SLC25A33: variants seen among roughly 807,000 people sequenced by gnomAD.
SLC25A33 encodes the protein solute carrier family 25 member 33.
SLC25A33 carries 15 observed loss-of-function variants against 35.5 expected under a neutral mutation model. The observed-to-expected ratio is 0.42, with a 90% CI of 0.28 to 0.65. The LOEUF is 0.65. SLC25A33 is among the 30% of genes least tolerant of loss of function. SLC25A33 has a pLI of 0.20. For synonymous variants in SLC25A33, 136 were observed against 148.7 expected, an observed-to-expected ratio of 0.91 and a Z score of 0.62; for missense variants, 257 against 398.5, an observed-to-expected ratio of 0.64 and a Z score of 3.02.
At position 9,549,386 on chromosome 1, in the gene SLC25A33, A is replaced by G. The variant is rs1352326726; in HGVS notation, c.57-4240A>G. ...GGGGGATGAACTGATGGTGGGATCA[A>G]TGGGGGAGATGAACTGATGGTGGGA... On this transcript the variant is annotated intron_variant, in intron 1 of 6. Coordinates refer to ENST00000302692, the MANE Select transcript of SLC25A33 (RefSeq NM_032315.3). Among the ~76,000 whole-genome samples, 4 of 104,052 alleles carry G rather than the reference A, an allele frequency of 3.8e-5. No individual in the cohort carries two copies. The East Asian group carries it at 1.0e-3, about 26-fold the overall frequency. The allele number at this position is 104,052 out of a possible 152,430, so 68.3% of individuals were successfully genotyped here.
chr1:9,580,842 G>A (rs1159341552), intron 6 of SLC25A33, among the ~76,000 whole-genome samples: 3 of 142,602 alleles, frequency 2.1e-5, no homozygotes, highest in Non-Finnish European at 3.0e-5. Flanking sequence ...GCAACAGAGC[G>A]AGACTCTGTC....
At chr1:9,572,747 T>C (rs1643609000) in intron 4 of SLC25A33, among the ~76,000 whole-genome samples, 1 of 152,032 alleles carries the variant, frequency 6.6e-6, no homozygotes, top group Non-Finnish European at 1.5e-5. Context: ...TTTTTTTGGT[T>C]GTCCTAGAAT....
intron 1 of SLC25A33, 142 bp from the exon 2 acceptor site, chr1:9,553,484 C>T (rs764712011): frequency 3.8e-5 from 29 of 758,370 alleles, no homozygotes; most frequent in Non-Finnish European, 5.7e-5. Flanking sequence ...CCACCCACCT[C>T]AGCCTCCCAA....
At chr1:9,540,425 G>C (rs1284203257) in intron 1 of SLC25A33, among the ~76,000 whole-genome samples, 1 of 152,046 alleles carries the variant, frequency 6.6e-6, no homozygotes, top group African/African-American at 2.4e-5. Context: ...AGCTGCATTA[G>C]GTCTATGGTC....
chr1:9,570,670 G>A (rs1023609931), intron 4 of SLC25A33, among the ~76,000 whole-genome samples: 3 of 144,780 alleles, frequency 2.1e-5, no homozygotes, highest in Non-Finnish European at 4.5e-5. Flanking sequence ...AAATGATATA[G>A]ATAGATAGAT....
chr1:9,585,051 G>A lies in SLC25A33; in HGVS notation c.*2550G>A, dbSNP rs1383767696. 6.6e-6 allele frequency: 1 copy of A among 152,172 alleles called. No individual in the cohort carries two copies. Among genetic ancestry groups the A allele is most frequent in the Non-Finnish European group, 1.5e-5 (1 of 68,038 alleles). 9.4% of individuals were successfully genotyped at this position (152,172 alleles called of 1,614,324 possible). On this transcript the variant is annotated 3_prime_UTR_variant, in exon 7 of 7. Coordinates refer to ENST00000302692, the MANE Select transcript of SLC25A33 (RefSeq NM_032315.3). ...ATTTTAATATTCATATTCGATGATG[G>A]CACTTAGCAACATCCTCCTATATCC...
chr1:9,575,342 C>T lies in SLC25A33; in HGVS notation c.482+1930C>T, dbSNP rs1643647670. 2.0e-5 allele frequency among the ~76,000 whole-genome samples: 3 copies of T among 150,348 alleles called. No homozygotes were observed. In the South Asian group the frequency reaches 6.3e-4, roughly 32 times the overall value. ...TCTAAAGAAAGGAGGCAGAGCTGGG[C>T]GTAGTGGCTCATGCCTGTAATCCCA... On this transcript the variant is annotated intron_variant, in intron 5 of 6. Coordinates refer to ENST00000302692, the MANE Select transcript of SLC25A33 (RefSeq NM_032315.3).
intron 2 of SLC25A33, among the ~76,000 whole-genome samples, chr1:9,562,200 T>G (rs1356506959): frequency 6.6e-6 from 1 of 151,420 alleles, no homozygotes; most frequent in African/African-American, 2.4e-5. Context: ...ATACAAAAAT[T>G]AGCCAGGTAT....
Position 9,541,973 on chromosome 1 carries a change from A to G in SLC25A33, c.56+2226A>G, listed in dbSNP as rs569009817. Among the ~76,000 whole-genome samples the G allele has an allele frequency of 5.3e-5, 8 of 151,744 alleles. No homozygotes were observed. The South Asian group carries it at 1.7e-3, about 32-fold the overall frequency. ...CGCCACCACGCCCGGCTAATTTTGT[A>G]TATTTTTAGTAGAGACGGGGTTTAA... On this transcript the variant is annotated intron_variant, in intron 1 of 6. Coordinates refer to ENST00000302692, the MANE Select transcript of SLC25A33 (RefSeq NM_032315.3).
chr1:9,579,621 A>C (rs1643710127), intron 5 of SLC25A33, among the ~76,000 whole-genome samples: 1 of 152,088 alleles, frequency 6.6e-6, no homozygotes, highest in Admixed American at 6.5e-5. Context: ...AGCTCCCTGA[A>C]CCCTGTCCTC....
At chr1:9,570,702 G>GTTTTTT (rs35547370) in intron 4 of SLC25A33, among the ~76,000 whole-genome samples, 13 of 100,066 alleles carry the variant, frequency 1.3e-4, no homozygotes, top group East Asian at 3.3e-4. Flanking sequence ...GATAGATATA[G>GTTTTTT]TTTTTTTTTT....
At chr1:9,560,856 T>C (rs954274071) in intron 2 of SLC25A33, among the ~76,000 whole-genome samples, 2 of 151,806 alleles carry the variant, frequency 1.3e-5, no homozygotes, top group African/African-American at 4.9e-5. Flanking sequence ...AAATAGTATA[T>C]GTATTTCAGG....
At chr1:9,544,186 C>T (rs1172314768) in intron 1 of SLC25A33, among the ~76,000 whole-genome samples, 1 of 151,946 alleles carries the variant, frequency 6.6e-6, no homozygotes, top group Non-Finnish European at 1.5e-5. Flanking sequence ...CAATGTTTTC[C>T]CACCTAGTAT....
intron 4 of SLC25A33, among the ~76,000 whole-genome samples, chr1:9,571,636 AATTGGT>A (rs544111502): frequency 1.6e-3 from 229 of 143,208 alleles, no homozygotes; most frequent in Non-Finnish European, 2.6e-3. Flanking sequence ...TTTTTTTTTT[AATTGGT>A]ATTGTTTTGT....
chr1:9,559,055 G>A (rs1477844859), intron 2 of SLC25A33, among the ~76,000 whole-genome samples: 2 of 152,156 alleles, frequency 1.3e-5, no homozygotes, highest in South Asian at 2.1e-4. Context: ...ACCGCAGGGT[G>A]TTTGCAGTAG....
chr1:9,560,760 CT>C (rs57353837), intron 2 of SLC25A33, among the ~76,000 whole-genome samples: 32 of 146,370 alleles, frequency 2.2e-4, no homozygotes, highest in Middle Eastern at 3.5e-3. Context: ...TCGAACCTAT[CT>C]TTTTTTTTTT....
intron 1 of SLC25A33, among the ~76,000 whole-genome samples, chr1:9,553,215 T>TTTTTTTTTTTTTTG (rs1643293093): frequency 7.4e-6 from 1 of 135,554 alleles, no homozygotes; most frequent in Non-Finnish European, 1.6e-5. Flanking sequence ...TTTTTTTTTT[T>TTTTTTTTTTTTTTG]TTTTTTTTTT....
At chr1:9,541,370 C>G (rs1158300905) in intron 1 of SLC25A33, among the ~76,000 whole-genome samples, 1 of 152,106 alleles carries the variant, frequency 6.6e-6, no homozygotes, top group Non-Finnish European at 1.5e-5. Flanking sequence ...AGGATGGTCT[C>G]GATCTCCTGA....
Position 9,580,248 on chromosome 1 carries a change from T to C in SLC25A33, c.763+14T>C, listed in dbSNP as rs375875644. On this transcript the variant is annotated intron_variant, in intron 6 of 6. Coordinates refer to ENST00000302692, the MANE Select transcript of SLC25A33 (RefSeq NM_032315.3). The stretch of plus-strand genomic sequence containing the variant: ...CTTATCCACACGGTATGTTTTGCTT[T>C]TGTTCTTCCAGAGCAGTAAAACAGC... The C allele has an allele frequency of 2.1e-5, 34 of 1,608,864 alleles. No homozygotes were observed. In the African/African-American group the frequency reaches 4.3e-4, roughly 20 times the overall value.
Sources: allele counts gnomAD v4.1 joint callset (sites outside exome capture counted in the v4.1 genomes callset), GRCh38; gene constraint gnomAD v4.1.1; transcripts MANE v1.5; gene names NCBI Gene and HGNC (gene_info 2026-07-23, HGNC 2026-07-21).